Variants in GANC observed in about 807,000 individuals in gnomAD.
GANC encodes the protein neutral alpha-glucosidase C.
In GANC, 117 loss-of-function variants were observed where a neutral mutation model predicts 124.2. The ratio of observed to expected loss-of-function variants is 0.94; its 90% confidence interval spans 0.81 to 1.10. The LOEUF (loss-of-function observed/expected upper bound fraction) is 1.10, where lower values mean the gene tolerates loss of function less well. Ranked by LOEUF, GANC falls within the 50% of genes least tolerant of loss-of-function variation. The probability of loss-of-function intolerance (pLI) is 0.00; values close to 1 mark genes in which losing one functional copy is unlikely to be tolerated. For synonymous variants in GANC, 377 were observed against 376.8 expected, an observed-to-expected ratio of 1.00 and a Z score of -0.01; for missense variants, 1,140 against 1,095.0, an observed-to-expected ratio of 1.04 and a Z score of -0.58.
Position 42,310,378 on chromosome 15 carries a change from C to T in GANC, c.818C>T (p.Ala273Val), listed in dbSNP as rs768114217. 1 of 1,613,872 alleles carries T rather than the reference C, an allele frequency of 6.2e-7. No individual in the cohort carries two copies. The highest frequency in any genetic ancestry group is 1.1e-5 in the South Asian group (1 of 91,042). ...GIYGSVPYLL[A>V]HKLGRTIGIF... ...TATGGTTCAGTACCTTATCTCCTGG[C>T]CCACAAACTGGGCAGAACTATAGGT... The change falls in exon 9 of 24, where the codon GCC (alanine) becomes GTC (valine). Residue 273 changes from alanine to valine, a missense_variant. By Grantham distance (64) the Ala-to-Val change is moderately conservative. Transcript: ENST00000318010.
chr15:42,321,636 C>G, intron 10 of GANC, 149 bp from the exon 11 acceptor site: 2 of 693,248 alleles, frequency 2.9e-6, no homozygotes, highest in South Asian at 3.8e-5. Context: ...GTTGTCACTT[C>G]CTTAAAGGCA....
chr15:42,292,059 T>C (rs1267388535), intron 4 of GANC, among the ~76,000 whole-genome samples: 4 of 152,142 alleles, frequency 2.6e-5, no homozygotes, highest in Admixed American at 1.3e-4. Flanking sequence ...AAGGGAAATA[T>C]CTAGCTTTGA....
At chr15:42,310,204 G>A in intron 8 of GANC, 79 bp from the exon 9 acceptor site, 1 of 1,088,274 alleles carries the variant, frequency 9.2e-7, no homozygotes, top group Non-Finnish European at 1.3e-6. Flanking sequence ...AGTGTTTAGA[G>A]AGAAGAGTAG....
At chr15:42,283,219 G>A (rs6493034) in intron 3 of GANC, among the ~76,000 whole-genome samples, 146,512 of 152,302 alleles carry the variant, frequency 0.96, 70,670 homozygotes, top group Non-Finnish European at 1. Context: ...AGCTGGTTGC[G>A]TGTTCAGATG....
intron 3 of GANC, among the ~76,000 whole-genome samples, chr15:42,286,927 A>C (rs772027397): frequency 6.6e-6 from 1 of 152,230 alleles, no homozygotes; most frequent in African/African-American, 2.4e-5. Flanking sequence ...ATGGCCCACC[A>C]GTTGAAAACC....
intron 15 of GANC, among the ~76,000 whole-genome samples, chr15:42,333,834 T>C (rs2052264506): frequency 6.6e-6 from 1 of 152,166 alleles, no homozygotes; most frequent in African/African-American, 2.4e-5. Flanking sequence ...CCTGTAACAC[T>C]TCTCTCAAAT....
chr15:42,286,962 T>G (rs1326909110), intron 3 of GANC, among the ~76,000 whole-genome samples: 1 of 152,240 alleles, frequency 6.6e-6, no homozygotes, highest in Non-Finnish European at 1.5e-5. Context: ...TTTTTCTAGG[T>G]GCTCATTTTG....
At chr15:42,284,705 A>G (rs1360528881) in intron 3 of GANC, among the ~76,000 whole-genome samples, 4 of 152,162 alleles carry the variant, frequency 2.6e-5, no homozygotes, top group Admixed American at 6.5e-5. Flanking sequence ...TCACAGGTGC[A>G]GTCATGGCAC....
intron 4 of GANC, 139 bp from the exon 5 acceptor site, chr15:42,292,596 A>G (rs1233740060): frequency 2.6e-6 from 2 of 766,342 alleles, no homozygotes; most frequent in Non-Finnish European, 4.1e-6. Flanking sequence ...CAATGCTCTC[A>G]TTAACTTTTC....
At chr15:42,284,715 C>T (rs2051769915) in intron 3 of GANC, among the ~76,000 whole-genome samples, 2 of 152,172 alleles carry the variant, frequency 1.3e-5, no homozygotes, top group Non-Finnish European at 2.9e-5. Flanking sequence ...AGTCATGGCA[C>T]ACTGTAACCT....
chr15:42,352,201 A>C lies in GANC; in HGVS notation c.*62A>C. On this transcript the variant is annotated 3_prime_UTR_variant, in exon 24 of 24. Coordinates refer to ENST00000318010, the MANE Select transcript of GANC (RefSeq NM_198141.3). Reference sequence around the variant, plus strand: ...CCTGCCCCTTTCAACCTTTCCCCTCACCTTTTTTGAGATTTTTGCTGCAAT... The same window carrying C: ...CCTGCCCCTTTCAACCTTTCCCCTCCCCTTTTTTGAGATTTTTGCTGCAAT... The C allele has an allele frequency of 6.3e-7, 1 of 1,587,704 alleles. No individual in the cohort carries two copies. The highest frequency in any genetic ancestry group is 1.1e-5 in the South Asian group (1 of 87,946).
At position 42,345,740 on chromosome 15, in the gene GANC, G is replaced by T; in HGVS notation, c.2230-18G>T. ...GTTGCTTATGTACTCTTTTTTACTG[G>T]ACTCTGTTACTTTCTAGGTCTGGTA... On this transcript the variant is annotated intron_variant, in intron 19 of 23. Transcript: ENST00000318010. 6.4e-7 allele frequency: 1 copy of T among 1,552,936 alleles called. No homozygotes were observed. Among genetic ancestry groups the T allele is most frequent in the Non-Finnish European group, 8.9e-7 (1 of 1,129,832 alleles).
intron 5 of GANC, among the ~76,000 whole-genome samples, chr15:42,296,448 G>A (rs759292253): frequency 4.6e-5 from 7 of 152,170 alleles, no homozygotes; most frequent in Middle Eastern, 3.4e-3. Flanking sequence ...GTGCAGTGGT[G>A]CGATCTCAGC....
At position 42,351,298 on chromosome 15, in the gene GANC, C is replaced by T. The variant is rs375225366; in HGVS notation, c.2532-31C>T. On this transcript the variant is annotated intron_variant, in intron 22 of 23. Coordinates refer to ENST00000318010, the MANE Select transcript of GANC (RefSeq NM_198141.3). ...GTGGCCACTTCAAACCCCCATCCCTCTCCTTTTAATACTGTTTGTATCTAT... is the reference window on the plus strand; with the variant it reads ...GTGGCCACTTCAAACCCCCATCCCTTTCCTTTTAATACTGTTTGTATCTAT... 5 of 1,543,574 alleles carry T rather than the reference C, an allele frequency of 3.2e-6. No homozygotes were observed. In the African/African-American group the frequency reaches 4.1e-5, roughly 13 times the overall value.
chr15:42,339,245 G>GT (rs2052308855), intron 16 of GANC, among the ~76,000 whole-genome samples: 1 of 149,424 alleles, frequency 6.7e-6, no homozygotes, highest in Non-Finnish European at 1.5e-5. Flanking sequence ...AGTTCTTTCT[G>GT]TTTTTATCTT....
At chr15:42,301,480 C>T (rs997649974) in intron 6 of GANC, among the ~76,000 whole-genome samples, 15 of 151,726 alleles carry the variant, frequency 9.9e-5, no homozygotes, top group East Asian at 5.8e-4. Context: ...ACCCCAGTGG[C>T]GCCTGGAACA....
At position 42,352,394 on chromosome 15, in the gene GANC, A is replaced by G. The variant is rs1445352088; in HGVS notation, c.*255A>G. 8.0e-7 allele frequency: 1 copy of G among 1,256,530 alleles called. No homozygotes were observed. Among genetic ancestry groups the G allele is most frequent in the East Asian group, 4.0e-5 (1 of 25,010 alleles). The allele number at this position is 1,256,530 out of a possible 1,614,324, so 77.8% of individuals were successfully genotyped here. A position where few individuals can be genotyped will look rare whatever the true frequency, so the allele number is the denominator to read the frequency against. On this transcript the variant is annotated 3_prime_UTR_variant, in exon 24 of 24. Coordinates refer to ENST00000318010, the MANE Select transcript of GANC (RefSeq NM_198141.3). ...CCTGATACATAGCCCTGAGACATTT[A>G]TAGCGTTCAGGAGTCTTCTATTGCT...
chr15:42,275,105 C>T (rs2051650792), intron 1 of GANC, among the ~76,000 whole-genome samples: 1 of 152,086 alleles, frequency 6.6e-6, no homozygotes, highest in Non-Finnish European at 1.5e-5. Context: ...TGGGCCGGTT[C>T]GCTCATGCCT....
chr15:42,340,458 G>T (rs2052320689), intron 17 of GANC, among the ~76,000 whole-genome samples: 1 of 151,970 alleles, frequency 6.6e-6, no homozygotes. Context: ...ACAAAAATTA[G>T]CTGGGCGTGG....
Sources: gnomAD v4.1 joint callset for allele counts (sites outside exome capture counted in the v4.1 genomes callset) on GRCh38, gnomAD v4.1.1 for gene constraint, MANE v1.5 for transcripts, NCBI Gene and HGNC (gene_info 2026-07-23, HGNC 2026-07-21) for gene names.